Variants in HMGCLL1 observed in about 807,000 individuals in gnomAD.
HMGCLL1 encodes 3-hydroxymethyl-3-methylglutaryl-CoA lyase, cytoplasmic.
A neutral mutation model predicts 39.1 loss-of-function variants in HMGCLL1; 36 were observed. The ratio of observed to expected loss-of-function variants is 0.92; its 90% CI spans 0.71 to 1.22. The LOEUF (loss-of-function observed/expected upper bound fraction) is 1.22. HMGCLL1 is among the 50% of genes most tolerant of loss of function. The pLI, the probability that HMGCLL1 is intolerant of heterozygous loss-of-function variation, is 0.00. For synonymous variants in HMGCLL1, 149 were observed against 144.0 expected (o/e 1.03, Z -0.25); for missense variants, 451 against 416.5 (o/e 1.08, Z -0.72).
At chr6:55,516,684 G>A in intron 3 of HMGCLL1, 81 bp from the exon 4 acceptor site, 1 of 870,492 alleles carries the variant, frequency 1.1e-6, no homozygotes, top group Non-Finnish European at 1.9e-6. Flanking sequence ...GTAGGTTATA[G>A]TTACATGGAC....
At chr6:55,663,601 G>A in the HMGCLL1 span, among the ~76,000 whole-genome samples, 1 of 151,836 alleles carries the variant, frequency 6.6e-6, no homozygotes, top group African/African-American at 2.4e-5. Flanking sequence ...TCAATGTGTG[G>A]TTGATTTTAG....
intron 1 of HMGCLL1, among the ~76,000 whole-genome samples, chr6:55,556,470 C>T (rs888688068): frequency 6.6e-6 from 1 of 152,048 alleles, no homozygotes; most frequent in African/African-American, 2.4e-5. Flanking sequence ...ACTGTTCTAG[C>T]AAGAACCAGA....
chr6:55,524,074 A>G (rs902288638), intron 3 of HMGCLL1, among the ~76,000 whole-genome samples: 6 of 151,972 alleles, frequency 3.9e-5, no homozygotes, highest in African/African-American at 1.4e-4. Context: ...ATTTACATAT[A>G]TCAAAGTATT....
intron 3 of HMGCLL1, among the ~76,000 whole-genome samples, chr6:55,535,775 A>G (rs1768983203): frequency 6.6e-6 from 1 of 152,296 alleles, no homozygotes; most frequent in Middle Eastern, 3.4e-3. Flanking sequence ...TACTCTGGAA[A>G]ATTTCCCAAA....
At chr6:55,647,656 G>T in the HMGCLL1 span, among the ~76,000 whole-genome samples, 1 of 149,002 alleles carries the variant, frequency 6.7e-6, no homozygotes, top group Non-Finnish European at 1.5e-5. Flanking sequence ...AAACAAACAC[G>T]CAAAAAGGAA....
intron 7 of HMGCLL1, among the ~76,000 whole-genome samples, chr6:55,471,679 TTTC>T (rs1030704823): frequency 4.6e-5 from 7 of 151,406 alleles, no homozygotes; most frequent in African/African-American, 1.5e-4. Context: ...TTTATATTTT[TTTC>T]TTTTTTTAAA....
chr6:55,632,161 TATAA>T, the HMGCLL1 span, among the ~76,000 whole-genome samples: 3 of 152,128 alleles, frequency 2.0e-5, no homozygotes, highest in Non-Finnish European at 4.4e-5. Context: ...AGATGTAGGT[TATAA>T]TTTGTACTTA....
the HMGCLL1 span, among the ~76,000 whole-genome samples, chr6:55,592,114 GGAA>G: frequency 2.0e-5 from 3 of 151,892 alleles, no homozygotes; most frequent in Non-Finnish European, 1.5e-5. Flanking sequence ...GACCTGGGAG[GGAA>G]GGAGGTCAGG....
At chr6:55,498,371 T>C (rs1766698644) in intron 6 of HMGCLL1, among the ~76,000 whole-genome samples, 1 of 152,098 alleles carries the variant, frequency 6.6e-6, no homozygotes. Context: ...AAGGGTCTTG[T>C]GTAAATAATA....
chr6:55,634,577 G>A, the HMGCLL1 span, among the ~76,000 whole-genome samples: 1 of 152,166 alleles, frequency 6.6e-6, no homozygotes, highest in Admixed American at 6.6e-5. Context: ...CATTCCTGCA[G>A]TTGAGATGTC....
chr6:55,506,903 C>A (rs1767199275), intron 5 of HMGCLL1, among the ~76,000 whole-genome samples: 1 of 151,656 alleles, frequency 6.6e-6, no homozygotes, highest in Non-Finnish European at 1.5e-5. Flanking sequence ...AAACTCCTAT[C>A]AATAGAATTG....
At chr6:55,584,548 C>G in the HMGCLL1 span, among the ~76,000 whole-genome samples, 1 of 152,016 alleles carries the variant, frequency 6.6e-6, no homozygotes, top group East Asian at 1.9e-4. Flanking sequence ...GTCTCAAAAA[C>G]AGAGTGAGGA....
At chr6:55,659,148 A>C in the HMGCLL1 span, among the ~76,000 whole-genome samples, 1 of 151,920 alleles carries the variant, frequency 6.6e-6, no homozygotes, top group Non-Finnish European at 1.5e-5. Flanking sequence ...AGGTAACAAG[A>C]GAGGGAGAAA....
chr6:55,568,736 C>A (rs1246212475), intron 1 of HMGCLL1, among the ~76,000 whole-genome samples: 1 of 152,190 alleles, frequency 6.6e-6, no homozygotes, highest in South Asian at 2.1e-4. Flanking sequence ...AAATGATAGC[C>A]TCCAAATACA....
intron 7 of HMGCLL1, among the ~76,000 whole-genome samples, chr6:55,493,981 G>A (rs1288318270): frequency 2.0e-5 from 3 of 151,790 alleles, no homozygotes; most frequent in Non-Finnish European, 2.9e-5. Context: ...GTCGTGATCC[G>A]CCCACCTCAG....
intron 7 of HMGCLL1, among the ~76,000 whole-genome samples, chr6:55,441,569 T>C (rs1469178863): frequency 1.3e-5 from 2 of 152,156 alleles, no homozygotes; most frequent in Non-Finnish European, 2.9e-5. Context: ...TAAACTGGTG[T>C]CTTTTATCTG....
Position 55,481,218 on chromosome 6 carries a change from A to G in HMGCLL1, c.795+14201T>C, listed in dbSNP as rs1581837461. Among the ~76,000 whole-genome samples, 6 of 152,140 alleles carry G rather than the reference A, an allele frequency of 3.9e-5. No homozygotes were observed. In the Middle Eastern group the frequency reaches 0.017, roughly 431 times the overall value. On this transcript the variant is annotated intron_variant, in intron 7 of 8. Coordinates refer to ENST00000274901, the MANE Select transcript of HMGCLL1 (RefSeq NM_001042406.2). The stretch of plus-strand genomic sequence containing the variant: ...CAACTTGTGAGACCCTGTCTCTAAA[A>G]AAATACAAAAATTATCTAGGTATGG...
At chr6:55,614,955 G>C in the HMGCLL1 span, among the ~76,000 whole-genome samples, 18 of 151,804 alleles carry the variant, frequency 1.2e-4, no homozygotes, top group Admixed American at 1.2e-3. Flanking sequence ...AGCGTGAGCA[G>C]TATAACAAGA....
At position 55,531,683 on chromosome 6, in the gene HMGCLL1, T is replaced by C. The variant is rs183649063; in HGVS notation, c.297+10046A>G. 3.0e-3 allele frequency among the ~76,000 whole-genome samples: 460 copies of C among 152,154 alleles called. 2 individuals are homozygous for C. Among genetic ancestry groups the C allele is most frequent in the Non-Finnish European group, 5.2e-3 (355 of 67,992 alleles). On this transcript the variant is annotated intron_variant, in intron 3 of 8. Transcript: ENST00000274901. ...AGAAGGTGAGCAGCAGGAGAGCAAG[T>C]GAAGTTTCATCTGTATTTGCAGCCA...
Sources: gnomAD v4.1 joint callset for allele counts (sites outside exome capture counted in the v4.1 genomes callset) on GRCh38, gnomAD v4.1.1 for gene constraint, MANE v1.5 for transcripts, NCBI Gene and HGNC (gene_info 2026-07-23, HGNC 2026-07-21) for gene names.